Variants in ZNF438 observed in about 807,000 individuals in gnomAD.
The protein encoded by ZNF438 is zinc finger protein 438.
In ZNF438, 25 loss-of-function variants were observed where a neutral mutation model predicts 38.0. The observed-to-expected ratio is 0.66, with a 90% CI of 0.48 to 0.92. The LOEUF is 0.92. ZNF438 is among the 40% of genes least tolerant of loss of function. The pLI is 0.00. For synonymous variants in ZNF438, 372 were observed against 364.1 expected (o/e 1.02, Z -0.25); for missense variants, 1,007 against 999.6 (o/e 1.01, Z -0.10).
chr10:30,930,414 C>T (rs374596928), intron 2 of ZNF438, among the ~76,000 whole-genome samples: 261 of 152,148 alleles, frequency 1.7e-3, no homozygotes, highest in Middle Eastern at 0.01. Flanking sequence ...TTCCCACCCG[C>T]GCATCTCCCT....
intron 1 of ZNF438, among the ~76,000 whole-genome samples, chr10:31,018,170 G>C (rs2056339856): frequency 6.6e-6 from 1 of 152,166 alleles, no homozygotes. Flanking sequence ...ACCTCTTGCT[G>C]TTTGGCACAG....
At chr10:30,964,775 T>C (rs1286908073) in intron 1 of ZNF438, among the ~76,000 whole-genome samples, 1 of 152,122 alleles carries the variant, frequency 6.6e-6, no homozygotes, top group Non-Finnish European at 1.5e-5. Flanking sequence ...GGACCTACCA[T>C]TACAGATTAA....
intron 1 of ZNF438, among the ~76,000 whole-genome samples, chr10:30,976,344 A>C (rs1323540967): frequency 6.6e-6 from 1 of 152,256 alleles, no homozygotes; most frequent in Non-Finnish European, 1.5e-5. Flanking sequence ...ATCTAAAAGT[A>C]ATGACAAAGA....
At chr10:30,937,176 G>A (rs2046344021) in intron 2 of ZNF438, among the ~76,000 whole-genome samples, 1 of 152,182 alleles carries the variant, frequency 6.6e-6, no homozygotes, top group African/African-American at 2.4e-5. Flanking sequence ...CAGGGGATGG[G>A]CCCAAATGGA....
rs748630011 is a variant in ZNF438 at position 30,958,198 on chromosome 10, TG to T, written c.-191-16548del. On this transcript the variant is annotated intron_variant, in intron 1 of 5. Coordinates refer to ENST00000413025, the Ensembl canonical transcript of ZNF438. ...GCTGTATTTATCAATGTGCCTTTGA[TG>T]TTAGGCTACCAGACTGTATAGAAAG... is the stretch of plus-strand genomic sequence containing the variant. 7.5e-5 allele frequency among the ~76,000 whole-genome samples: 11 copies of T among 146,676 alleles called. 3 individuals are homozygous for T. Among genetic ancestry groups the T allele is most frequent in the Non-Finnish European group, 1.7e-4 (11 of 64,768 alleles).
chr10:30,947,530 C>A (rs2135673237), intron 1 of ZNF438, among the ~76,000 whole-genome samples: 1 of 152,396 alleles, frequency 6.6e-6, no homozygotes, highest in East Asian at 1.9e-4. Flanking sequence ...AGGCAGGCCT[C>A]CTTGAGCTGT....
At chr10:30,952,201 T>C (rs2048295041) in intron 1 of ZNF438, among the ~76,000 whole-genome samples, 1 of 151,472 alleles carries the variant, frequency 6.6e-6, no homozygotes, top group South Asian at 2.1e-4. Context: ...TAGACATATG[T>C]AGAAAGCTGA....
chr10:30,849,184 C>T (rs1440891550), exon 5 of ZNF438: 3 of 1,614,062 alleles, frequency 1.9e-6, no homozygotes, highest in Admixed American at 3.3e-5. Context: ...CATCTCTACA[C>T]TTATTAATGA....
intron 1 of ZNF438, among the ~76,000 whole-genome samples, chr10:30,957,644 CATCA>C (rs1032573185): frequency 5.9e-5 from 9 of 152,260 alleles, no homozygotes; most frequent in African/African-American, 2.2e-4. Context: ...TTAGCATGTT[CATCA>C]ATCAGCTGGC....
intron 1 of ZNF438, among the ~76,000 whole-genome samples, chr10:30,971,724 A>G (rs2050758361): frequency 6.6e-6 from 1 of 152,170 alleles, no homozygotes; most frequent in Admixed American, 6.5e-5. Context: ...GGCTTATGTT[A>G]CAAACTGCTT....
chr10:30,965,743 C>G (rs146128855), intron 1 of ZNF438, among the ~76,000 whole-genome samples: 235 of 152,118 alleles, frequency 1.5e-3, no homozygotes, highest in African/African-American at 5.4e-3. Flanking sequence ...GCAATAGACA[C>G]CGGGGACTAC....
chr10:30,959,023 A>T lies in ZNF438; in HGVS notation c.-191-17372T>A, dbSNP rs555364194. Among the ~76,000 whole-genome samples the T allele has an allele frequency of 4.8e-5, 7 of 147,254 alleles. 1 individual carries two copies. The highest frequency in any genetic ancestry group is 1.7e-4 in the African/African-American group (7 of 41,186). ...ATCTATTACAAATAATGTTGCCAAGAGCAATTACATACAAGTCTTTGTGTG... is the reference window on the plus strand; with the variant it reads ...ATCTATTACAAATAATGTTGCCAAGTGCAATTACATACAAGTCTTTGTGTG... On this transcript the variant is annotated intron_variant, in intron 1 of 5. Coordinates refer to ENST00000413025, the Ensembl canonical transcript of ZNF438.
chr10:30,950,275 A>G (rs2048009692), intron 1 of ZNF438, among the ~76,000 whole-genome samples: 1 of 152,182 alleles, frequency 6.6e-6, no homozygotes, highest in Admixed American at 6.5e-5. Flanking sequence ...TTATAGCACT[A>G]AATGCCCACA....
intron 1 of ZNF438, among the ~76,000 whole-genome samples, chr10:30,955,203 T>C (rs2048730163): frequency 6.6e-6 from 1 of 152,014 alleles, no homozygotes; most frequent in African/African-American, 2.4e-5. Context: ...TAAAGAAGAG[T>C]TGGAAAATAA....
At chr10:31,032,072 C>G (rs1333104876), upstream of ZNF438, 3 of 152,270 alleles carry the variant, frequency 2.0e-5, no homozygotes, top group African/African-American at 7.2e-5. Flanking sequence ...GCTTCGCCGA[C>G]CGGGGCGCCT....
At chr10:30,902,991 G>A (rs189591824) in intron 3 of ZNF438, among the ~76,000 whole-genome samples, 821 of 41,782 alleles carry the variant, frequency 0.02, 6 homozygotes, top group African/African-American at 0.13. Context: ...CGAGCGCAGC[G>A]CCGCACTGCT....
At chr10:30,897,743 A>G (rs1321459253) in intron 3 of ZNF438, among the ~76,000 whole-genome samples, 1 of 152,162 alleles carries the variant, frequency 6.6e-6, no homozygotes, top group Non-Finnish European at 1.5e-5. Flanking sequence ...CTGGGTCTGT[A>G]CTCACAACAC....
intron 1 of ZNF438, among the ~76,000 whole-genome samples, chr10:31,014,081 C>T (rs889090337): frequency 1.3e-5 from 2 of 152,096 alleles, no homozygotes; most frequent in Admixed American, 1.3e-4. Flanking sequence ...TGTCTCTTGG[C>T]TTCAGTAACA....
At chr10:30,986,755 T>C (rs975026537) in intron 1 of ZNF438, among the ~76,000 whole-genome samples, 20 of 152,146 alleles carry the variant, frequency 1.3e-4, no homozygotes, top group Admixed American at 5.2e-4. Flanking sequence ...CCCTTGAGGA[T>C]TGTGTTGAGC....
Sources: gnomAD v4.1 joint callset for allele counts (sites outside exome capture counted in the v4.1 genomes callset) on GRCh38, gnomAD v4.1.1 for gene constraint, MANE v1.5 for transcripts, NCBI Gene and HGNC (gene_info 2026-07-23, HGNC 2026-07-21) for gene names.